Variants in NKD1 observed in about 807,000 individuals in gnomAD.
The protein encoded by NKD1 is NKD inhibitor of Wnt signaling pathway 1, also known as protein naked cuticle homolog 1.
NKD1 carries 21 observed loss-of-function variants against 56.0 expected under a neutral mutation model. The ratio of observed to expected loss-of-function variants is 0.38; its 90% confidence interval spans 0.27 to 0.54. NKD1 has a LOEUF of 0.54. NKD1 is among the 20% of genes least tolerant of loss of function. The pLI is 0.82. For synonymous variants in NKD1, 263 were observed against 265.7 expected (o/e 0.99, Z 0.10); for missense variants, 578 against 642.7 (o/e 0.90, Z 1.09).
chr16:50,612,259 C>T (rs1407700261), intron 4 of NKD1, among the ~76,000 whole-genome samples: 1 of 152,232 alleles, frequency 6.6e-6, no homozygotes, highest in Admixed American at 6.5e-5. Flanking sequence ...TCTGTCCAGG[C>T]TCCCAGGGGT....
At chr16:50,583,284 G>T (rs1200258202) in intron 3 of NKD1, among the ~76,000 whole-genome samples, 4 of 152,180 alleles carry the variant, frequency 2.6e-5, no homozygotes, top group African/African-American at 9.7e-5. Flanking sequence ...CCTATGAGAG[G>T]TCCAGCTACC....
chr16:50,648,067 G>C lies in NKD1; in HGVS notation c.*14286G>C, dbSNP rs764596512. ...CCAGCAACCTGGGTGATTTCCGCAG[G>C]TGTCTGAACCCCGATCTCTCAGTGT... On this transcript the variant is annotated 3_prime_UTR_variant, in exon 10 of 10. Transcript: ENST00000268459. 6.6e-6 allele frequency: 1 copy of C among 152,262 alleles called. No individual in the cohort carries two copies. Among genetic ancestry groups the C allele is most frequent in the Non-Finnish European group, 1.5e-5 (1 of 68,074 alleles). 9.4% of individuals were successfully genotyped at this position (152,262 alleles called of 1,614,324 possible). A position where few individuals can be genotyped will look rare whatever the true frequency, so the allele number is the denominator to read the frequency against.
Position 50,645,674 on chromosome 16 carries a change from C to T in NKD1, c.*11893C>T, listed in dbSNP as rs1962663682. The stretch of plus-strand genomic sequence containing the variant: ...GAGAGGAGGCTCTCTTGGTAGGATC[C>T]CACGGCAACCGAATGGATGCACGTT... On this transcript the variant is annotated 3_prime_UTR_variant, in exon 10 of 10. Coordinates refer to ENST00000268459, the MANE Select transcript of NKD1 (RefSeq NM_033119.5). 1 of 152,096 alleles carries T rather than the reference C, an allele frequency of 6.6e-6. No individual in the cohort carries two copies. The highest frequency in any genetic ancestry group is 6.5e-5 in the Admixed American group (1 of 15,276). 9.4% of individuals were successfully genotyped at this position (152,096 alleles called of 1,614,324 possible).
rs146516455 is a variant in NKD1 at position 50,584,127 on chromosome 16, C to T, written c.193-24167C>T. 2.1e-4 allele frequency among the ~76,000 whole-genome samples: 32 copies of T among 152,288 alleles called. No homozygotes were observed. The East Asian group carries it at 5.0e-3, about 24-fold the overall frequency. On this transcript the variant is annotated intron_variant, in intron 3 of 9. Coordinates refer to ENST00000268459, the MANE Select transcript of NKD1 (RefSeq NM_033119.5). ...GCTGGGTTGATCTGGGCTGGGCTTG[C>T]TCATGCTTCAAGACAGTTGGCCACA...
chr16:50,625,478 C>T lies in NKD1; in HGVS notation c.367-7C>T. 1 of 1,600,920 alleles carries T rather than the reference C, an allele frequency of 6.2e-7. No homozygotes were observed. Among genetic ancestry groups the T allele is most frequent in the Non-Finnish European group, 8.6e-7 (1 of 1,168,356 alleles). Reference sequence around the variant, plus strand: ...GGGACCAGCCCCGCCCATCTCTCTGCATCCAGGAGCTCCAGTGCGACGTGT... The same window carrying T: ...GGGACCAGCCCCGCCCATCTCTCTGTATCCAGGAGCTCCAGTGCGACGTGT... On this transcript the variant is annotated splice_region_variant and splice_polypyrimidine_tract_variant and intron_variant, in intron 5 of 9. Coordinates refer to ENST00000268459, the MANE Select transcript of NKD1 (RefSeq NM_033119.5).
chr16:50,565,405 G>A (rs181446036), intron 3 of NKD1, among the ~76,000 whole-genome samples: 38 of 152,062 alleles, frequency 2.5e-4, no homozygotes, highest in Admixed American at 2.3e-3. Flanking sequence ...GAAGCCAGGT[G>A]CAGTGGCTCA....
chr16:50,554,420 A>T (rs1960456428), intron 3 of NKD1, among the ~76,000 whole-genome samples: 1 of 152,140 alleles, frequency 6.6e-6, no homozygotes, highest in African/African-American at 2.4e-5. Context: ...AGCAGCAAAA[A>T]AAGAAGAAAG....
At chr16:50,565,177 T>C (rs1008376268) in intron 3 of NKD1, among the ~76,000 whole-genome samples, 2 of 151,286 alleles carry the variant, frequency 1.3e-5, no homozygotes, top group Admixed American at 6.6e-5. Flanking sequence ...AGATCGAGAC[T>C]ATCCTGGCTA....
intron 3 of NKD1, among the ~76,000 whole-genome samples, chr16:50,586,990 C>T (rs1355118640): frequency 3.3e-5 from 5 of 152,222 alleles, no homozygotes; most frequent in South Asian, 2.1e-4. Flanking sequence ...CTCAGGTCGT[C>T]GTGAGTTCTC....
chr16:50,608,486 C>A (rs987755390), intron 4 of NKD1, 126 bp downstream of exon 4: 21 of 541,584 alleles, frequency 3.9e-5, no homozygotes, highest in Non-Finnish European at 6.5e-5. Context: ...CCTTGTGACT[C>A]TGGGTGGGGG....
rs1962318048 is a variant in NKD1 at position 50,630,402 on chromosome 16, G to T, written c.610+69G>T. 22 of 1,554,966 alleles carry T rather than the reference G, an allele frequency of 1.4e-5. No individual in the cohort carries two copies. The South Asian group carries it at 2.4e-4, about 17-fold the overall frequency. On this transcript the variant is annotated intron_variant, in intron 7 of 9. Coordinates refer to ENST00000268459, the MANE Select transcript of NKD1 (RefSeq NM_033119.5). The stretch of plus-strand genomic sequence containing the variant: ...CTCAGGAAGGAACAGAGCCTTCCTG[G>T]GAGGGCCGGAAGGGAACCTGTGGGC...
rs1261919634 is a variant in NKD1 at position 50,603,169 on chromosome 16, G to A, written c.193-5125G>A. ...TCAAAATCCTCATTTTACAGAAGGG[G>A]AAAATGGAGGCCGGAGAAATTAAGT... On this transcript the variant is annotated intron_variant, in intron 3 of 9. Coordinates refer to ENST00000268459, the MANE Select transcript of NKD1 (RefSeq NM_033119.5). Among the ~76,000 whole-genome samples the A allele has an allele frequency of 3.3e-5, 5 of 152,214 alleles. No homozygotes were observed. The South Asian group carries it at 6.2e-4, about 19-fold the overall frequency.
chr16:50,616,282 T>G (rs879930582), intron 4 of NKD1, among the ~76,000 whole-genome samples: 48 of 152,220 alleles, frequency 3.2e-4, no homozygotes, highest in Admixed American at 3.1e-3. Flanking sequence ...AATTGAATTG[T>G]TAGTAATTTC....
In NKD1 at chr16:50,642,363, G is replaced by A. The variant is rs1962594822; in HGVS notation, c.*8582G>A. On this transcript the variant is annotated 3_prime_UTR_variant, in exon 10 of 10. Coordinates refer to ENST00000268459, the MANE Select transcript of NKD1 (RefSeq NM_033119.5). ...CTCTGGACCTGATGTCCTAGATCCT[G>A]TGCACTTGGCTTCATGGATAGAGTC... 6.6e-6 allele frequency: 1 copy of A among 152,280 alleles called. No individual in the cohort carries two copies. Among genetic ancestry groups the A allele is most frequent in the South Asian group, 2.1e-4 (1 of 4,832 alleles). The allele number at this position is 152,280 out of a possible 1,614,324, so 9.4% of individuals were successfully genotyped here.
chr16:50,611,645 T>C (rs909906866), intron 4 of NKD1, among the ~76,000 whole-genome samples: 3 of 152,194 alleles, frequency 2.0e-5, no homozygotes, highest in African/African-American at 2.4e-5. Context: ...GCTCGGGGCC[T>C]GTTCAGCTCT....
chr16:50,575,095 G>GT (rs113190052), intron 3 of NKD1: 76,454 of 632,164 alleles, frequency 0.12, no homozygotes, highest in Non-Finnish European at 0.14. Context: ...GTAAGTAGGT[G>GT]TTTTTTTTTT....
At chr16:50,586,556 C>T (rs116800838) in intron 3 of NKD1, among the ~76,000 whole-genome samples, 199 of 152,196 alleles carry the variant, frequency 1.3e-3, no homozygotes, top group African/African-American at 4.6e-3. Flanking sequence ...CTTTTGAGAC[C>T]ACAGAGGTTT....
rs1440344777 is a variant in NKD1, at chr16:50,632,049, G to A, written c.696-232G>A. On this transcript the variant is annotated intron_variant, in intron 8 of 9. Coordinates refer to ENST00000268459, the MANE Select transcript of NKD1 (RefSeq NM_033119.5). This position sits in a 1 kb window ranked among gnomAD's most constrained non-coding sequence, Gnocchi z 4.1. ...AAAACCCCGTCCACTCCTCCCAGAA[G>A]CTGCGGGGAGGTCGGGCTGTGGGCT... Among the ~76,000 whole-genome samples the A allele has an allele frequency of 6.6e-6, 1 of 152,240 alleles. No individual in the cohort carries two copies. The highest frequency in any genetic ancestry group is 1.5e-5 in the Non-Finnish European group (1 of 68,046).
rs1269906439 is a variant in NKD1, at chr16:50,608,378, C to T, written c.259+18C>T. The T allele has an allele frequency of 6.3e-7, 1 of 1,589,120 alleles. No individual in the cohort carries two copies. The highest frequency in any genetic ancestry group is 1.1e-5 in the South Asian group (1 of 90,554). ...GCTGGAAGGTATTCGGAGTCCATTG[C>T]TCTCTTCCCAGCAGCAGCGAGTGGG... On this transcript the variant is annotated intron_variant, in intron 4 of 9. Transcript: ENST00000268459.
Sources: allele counts gnomAD v4.1 joint callset (sites outside exome capture counted in the v4.1 genomes callset), GRCh38; gene constraint gnomAD v4.1.1; non-coding constraint Gnocchi (gnomAD v3.1); transcripts MANE v1.5; gene names NCBI Gene and HGNC (gene_info 2026-07-23, HGNC 2026-07-21).